The following KCNB2 variants were observed in gnomAD, a reference collection of about 807,000 sequenced individuals.
KCNB2 encodes potassium voltage-gated channel subfamily B member 2.
A neutral mutation model predicts 61.5 loss-of-function variants in KCNB2; 15 were observed. The ratio of observed to expected loss-of-function variants is 0.24; its 90% confidence interval spans 0.16 to 0.38. KCNB2 has a LOEUF of 0.38. Ranked by LOEUF, KCNB2 falls within the 10% of genes least tolerant of loss-of-function variation. The pLI, the probability that KCNB2 is intolerant of heterozygous loss-of-function variation, is 1.00. For synonymous variants in KCNB2, 457 were observed against 446.0 expected (o/e 1.02, Z -0.31); for missense variants, 828 against 1,125.2 (o/e 0.74, Z 3.78).
intron 2 of KCNB2, among the ~76,000 whole-genome samples, chr8:72,664,083 A>G (rs1049860338): frequency 1.3e-5 from 2 of 152,204 alleles, no homozygotes; most frequent in South Asian, 4.1e-4. Context: ...CAGGGAATTC[A>G]TTCTCACTGC....
At chr8:72,766,162 C>A (rs1377779515) in intron 2 of KCNB2, among the ~76,000 whole-genome samples, 1 of 152,134 alleles carries the variant, frequency 6.6e-6, no homozygotes, top group Non-Finnish European at 1.5e-5. Context: ...TATTCTCAAG[C>A]CTTGGCTCCC....
At chr8:72,866,058 C>A (rs771046990) in intron 2 of KCNB2, among the ~76,000 whole-genome samples, 15 of 152,172 alleles carry the variant, frequency 9.9e-5, no homozygotes, top group Non-Finnish European at 1.9e-4. Context: ...CATTTCAACT[C>A]TTTGCACATT....
At chr8:72,597,689 G>C (rs780897684) in intron 2 of KCNB2, among the ~76,000 whole-genome samples, 21 of 152,128 alleles carry the variant, frequency 1.4e-4, no homozygotes, top group Non-Finnish European at 2.5e-4. Context: ...GTACAGTTTA[G>C]CCATAATGAT....
intron 2 of KCNB2, among the ~76,000 whole-genome samples, chr8:72,772,228 G>T (rs913046934): frequency 6.6e-6 from 1 of 152,152 alleles, no homozygotes; most frequent in African/African-American, 2.4e-5. Context: ...ACAGCAGGTC[G>T]TACCCACAGG....
intron 2 of KCNB2, among the ~76,000 whole-genome samples, chr8:72,887,135 G>A (rs1348354079): frequency 6.6e-6 from 1 of 152,148 alleles, no homozygotes; most frequent in East Asian, 1.9e-4. Flanking sequence ...ATAAAGTAAG[G>A]GAGCTGAGTT....
intron 2 of KCNB2, among the ~76,000 whole-genome samples, chr8:72,614,170 C>T (rs1022304952): frequency 4.6e-5 from 7 of 152,198 alleles, no homozygotes; most frequent in African/African-American, 1.7e-4. Context: ...ATCACAACCT[C>T]TTCTCCCAGT....
intron 2 of KCNB2, among the ~76,000 whole-genome samples, chr8:72,895,331 C>T (rs188976882): frequency 6.6e-6 from 1 of 152,094 alleles, no homozygotes; most frequent in South Asian, 2.1e-4. Context: ...CAGCAGACAG[C>T]TGTAGAAAGA....
intron 2 of KCNB2, among the ~76,000 whole-genome samples, chr8:72,636,983 A>G (rs1585799093): frequency 6.6e-6 from 1 of 152,230 alleles, no homozygotes; most frequent in Non-Finnish European, 1.5e-5. Context: ...AGGCTTCTGG[A>G]CACTATTGAG....
At chr8:72,642,889 G>C (rs1806078222) in intron 2 of KCNB2, among the ~76,000 whole-genome samples, 1 of 152,146 alleles carries the variant, frequency 6.6e-6, no homozygotes, top group African/African-American at 2.4e-5. Flanking sequence ...AAATAAGCCA[G>C]AGTATAGAGG....
chr8:72,933,621 C>T (rs16919330), intron 2 of KCNB2, among the ~76,000 whole-genome samples: 20,484 of 152,172 alleles, frequency 0.13, 3,286 homozygotes, highest in East Asian at 0.79. Context: ...AGCATAGGAA[C>T]GGATGGGATC....
rs560588636 is a variant in KCNB2 at position 72,642,090 on chromosome 8, C to T, written c.579+73777C>T. Among the ~76,000 whole-genome samples, 18 of 152,228 alleles carry T rather than the reference C, an allele frequency of 1.2e-4. No homozygotes were observed. In the South Asian group the frequency reaches 2.7e-3, roughly 23 times the overall value. ...TTAAGTGGAGAAGAAGACTGATCGA[C>T]GTTGTTCAGTATGGCAGGTGGCCTC... On this transcript the variant is annotated intron_variant, in intron 2 of 2. Transcript: ENST00000523207.
intron 1 of KCNB2, among the ~76,000 whole-genome samples, chr8:72,559,221 T>C (rs188679245): frequency 9.3e-4 from 142 of 152,174 alleles, no homozygotes; most frequent in African/African-American, 3.3e-3. Context: ...TCTGGGCTCA[T>C]TGCAACCTCT....
At chr8:72,652,065 A>C (rs917561509) in intron 2 of KCNB2, among the ~76,000 whole-genome samples, 1 of 152,190 alleles carries the variant, frequency 6.6e-6, no homozygotes, top group East Asian at 1.9e-4. Context: ...ATCTACTTTG[A>C]CCACTTCTCA....
chr8:72,707,724 C>A (rs1807252064), intron 2 of KCNB2, among the ~76,000 whole-genome samples: 1 of 152,206 alleles, frequency 6.6e-6, no homozygotes, highest in South Asian at 2.1e-4. Context: ...GTTTTTCCTG[C>A]TCACAGTGTT....
chr8:72,895,299 G>A (rs1355442455), intron 2 of KCNB2, among the ~76,000 whole-genome samples: 1 of 152,188 alleles, frequency 6.6e-6, no homozygotes, highest in Non-Finnish European at 1.5e-5. Flanking sequence ...TCACAAGGGT[G>A]CTTGAAAGTG....
intron 2 of KCNB2, among the ~76,000 whole-genome samples, chr8:72,635,418 G>C (rs1054967410): frequency 2.0e-5 from 3 of 152,144 alleles, no homozygotes; most frequent in African/African-American, 7.2e-5. Flanking sequence ...TCTTCTCAGG[G>C]ATTTGTCGTC....
chr8:72,562,367 T>C (rs1161683844), intron 1 of KCNB2, among the ~76,000 whole-genome samples: 3 of 152,074 alleles, frequency 2.0e-5, no homozygotes, highest in Non-Finnish European at 4.4e-5. Flanking sequence ...CCTGAGCGGG[T>C]GGCAGCATAA....
intron 2 of KCNB2, among the ~76,000 whole-genome samples, chr8:72,913,254 G>T (rs1366107832): frequency 6.6e-6 from 1 of 152,166 alleles, no homozygotes; most frequent in Non-Finnish European, 1.5e-5. Context: ...ACACCTACTG[G>T]TGAGAGCAAC....
intron 2 of KCNB2, among the ~76,000 whole-genome samples, chr8:72,590,195 A>T (rs1807072554): frequency 6.6e-6 from 1 of 152,148 alleles, no homozygotes; most frequent in African/African-American, 2.4e-5. Flanking sequence ...TAATTTAATG[A>T]CCTAAGAATT....
Sources: gnomAD v4.1 joint callset for allele counts (sites outside exome capture counted in the v4.1 genomes callset) on GRCh38, gnomAD v4.1.1 for gene constraint, MANE v1.5 for transcripts, NCBI Gene and HGNC (gene_info 2026-07-23, HGNC 2026-07-21) for gene names.